The following CA5A variants were observed in gnomAD, a reference collection of about 807,000 sequenced individuals.
CA5A encodes the protein carbonic anhydrase 5A, mitochondrial.
Under a neutral mutation model 37.1 loss-of-function variants are expected in CA5A, and 28 were observed. That is an observed-to-expected ratio of 0.75 (90% CI 0.56 to 1.03). The LOEUF is 1.03. CA5A is among the 50% of genes least tolerant of loss of function. The pLI, the probability that CA5A is intolerant of heterozygous loss-of-function variation, is 0.00. For synonymous variants in CA5A, 171 were observed against 158.4 expected, an observed-to-expected ratio of 1.08 and a Z score of -0.60; for missense variants, 444 against 399.9, an observed-to-expected ratio of 1.11 and a Z score of -0.94.
chr16:87,896,769 T>C (rs2055808542), intron 5 of CA5A, among the ~76,000 whole-genome samples: 1 of 152,232 alleles, frequency 6.6e-6, no homozygotes, highest in African/African-American at 2.4e-5. Context: ...GCCTCCCTAG[T>C]AGCTGGGATT....
chr16:87,928,669 A>AAT (rs1462303353), intron 1 of CA5A, among the ~76,000 whole-genome samples: 5 of 151,156 alleles, frequency 3.3e-5, no homozygotes, highest in African/African-American at 1.2e-4. Context: ...GATGATATTT[A>AAT]GGTTATTTCC....
intron 2 of CA5A, among the ~76,000 whole-genome samples, chr16:87,907,220 A>T (rs1341134333): frequency 6.6e-6 from 1 of 152,140 alleles, no homozygotes; most frequent in Non-Finnish European, 1.5e-5. Flanking sequence ...TCTGTCTCAA[A>T]AACAAAACAC....
intron 1 of CA5A, among the ~76,000 whole-genome samples, chr16:87,930,735 A>ATTTTTTT (rs68126628): frequency 7.4e-6 from 1 of 134,498 alleles, no homozygotes; most frequent in Non-Finnish European, 1.6e-5. Context: ...CTTTGGATCT[A>ATTTTTTT]TTTTTTTTTT....
chr16:87,930,132 GCTGT>G (rs2056382511), intron 1 of CA5A, among the ~76,000 whole-genome samples: 2 of 152,126 alleles, frequency 1.3e-5, no homozygotes, highest in South Asian at 4.1e-4. Flanking sequence ...CTAGGGGTCT[GCTGT>G]CTGTCTCATA....
At chr16:87,926,074 T>C (rs1203949400) in intron 2 of CA5A, among the ~76,000 whole-genome samples, 1 of 151,982 alleles carries the variant, frequency 6.6e-6, no homozygotes, top group Non-Finnish European at 1.5e-5. Flanking sequence ...AATACAAAAA[T>C]TAGCTGGGCA....
At chr16:87,916,822 G>A (rs535171672) in intron 2 of CA5A, among the ~76,000 whole-genome samples, 2 of 152,204 alleles carry the variant, frequency 1.3e-5, no homozygotes, top group South Asian at 4.1e-4. Flanking sequence ...GGGCTTTTGG[G>A]CTGGGCATGG....
At chr16:87,928,238 A>C (rs1022215319) in intron 1 of CA5A, among the ~76,000 whole-genome samples, 6 of 152,178 alleles carry the variant, frequency 3.9e-5, no homozygotes, top group African/African-American at 1.4e-4. Flanking sequence ...GGTGTCAATC[A>C]CTGCAGCCTT....
intron 1 of CA5A, among the ~76,000 whole-genome samples, chr16:87,930,334 C>G (rs80093362): frequency 2.6e-5 from 4 of 152,194 alleles, no homozygotes; most frequent in Admixed American, 6.5e-5. Flanking sequence ...CCAGCAAGCT[C>G]GCTGCAGTCT....
chr16:87,932,611 T>C (rs772617251), intron 1 of CA5A, among the ~76,000 whole-genome samples: 1 of 152,198 alleles, frequency 6.6e-6, no homozygotes, highest in Non-Finnish European at 1.5e-5. Context: ...GTTATCCTCT[T>C]TTTCAATCAG....
At chr16:87,883,282 C>G (rs2055623415), downstream of CA5A, 1 of 151,422 alleles carries the variant, frequency 6.6e-6, no homozygotes, top group South Asian at 2.1e-4. Context: ...CTCAGCCTTC[C>G]AAAGTGCTGG....
At chr16:87,893,877 A>G (rs1003003974) in intron 5 of CA5A, 4 of 238,866 alleles carry the variant, frequency 1.7e-5, no homozygotes, top group African/African-American at 9.3e-5. Flanking sequence ...GGCTCAAGCG[A>G]TCCCCCCGCC....
intron 1 of CA5A, among the ~76,000 whole-genome samples, chr16:87,929,966 T>C (rs971346807): frequency 1.3e-5 from 2 of 151,010 alleles, no homozygotes; most frequent in African/African-American, 2.4e-5. Flanking sequence ...AATCGCAGAA[T>C]GTTTGTTCTA....
chr16:87,896,571 G>C (rs929474634), intron 5 of CA5A, among the ~76,000 whole-genome samples: 1 of 152,224 alleles, frequency 6.6e-6, no homozygotes, highest in Non-Finnish European at 1.5e-5. Flanking sequence ...GGATGGCCCA[G>C]CTACCTGTGG....
chr16:87,927,044 C>T, intron 1 of CA5A, 99 bp from the exon 2 acceptor site: 2 of 847,632 alleles, frequency 2.4e-6, no homozygotes, highest in South Asian at 1.7e-5. Flanking sequence ...CCCCTCACGT[C>T]CTGGCTCATG....
intron 1 of CA5A, among the ~76,000 whole-genome samples, chr16:87,930,792 G>T (rs1271471661): frequency 6.6e-6 from 1 of 150,810 alleles, no homozygotes; most frequent in Non-Finnish European, 1.5e-5. Context: ...CCAGGCTGGA[G>T]TGCAGTGACG....
In CA5A at chr16:87,915,667, C is replaced by T. The variant is rs531532642; in HGVS notation, c.341-10763G>A. ...TTGCACCACTGCACTGCAGCCTGGGCGACAGAGCAAGATCCTGTCTCCAAA... is the reference window on the plus strand; with the variant it reads ...TTGCACCACTGCACTGCAGCCTGGGTGACAGAGCAAGATCCTGTCTCCAAA... On this transcript the variant is annotated intron_variant, in intron 2 of 6. Coordinates refer to ENST00000649794, the MANE Select transcript of CA5A (RefSeq NM_001739.2). Among the ~76,000 whole-genome samples, 601 of 107,420 alleles carry T rather than the reference C, an allele frequency of 5.6e-3. 6 individuals are homozygous for T. The highest frequency in any genetic ancestry group is 0.02 in the African/African-American group (546 of 27,266). 70.5% of individuals were successfully genotyped at this position (107,420 alleles called of 152,430 possible). A position where few individuals can be genotyped will look rare whatever the true frequency, so the allele number is the denominator to read the frequency against.
intron 5 of CA5A, among the ~76,000 whole-genome samples, chr16:87,892,465 A>C (rs1401568951): frequency 5.4e-5 from 8 of 149,482 alleles, no homozygotes; most frequent in Non-Finnish European, 1.2e-4. Flanking sequence ...AGCCGAGATC[A>C]TGCCACTGCA....
Position 87,903,347 on chromosome 16 carries a change from C to T in CA5A, c.460-827G>A, listed in dbSNP as rs192438433. ...TCAGAAGGCTGAGGCAGGAGAATCACTTGAACCTGGGCAGCAGAGGTTGCA... is the reference window on the plus strand; with the variant it reads ...TCAGAAGGCTGAGGCAGGAGAATCATTTGAACCTGGGCAGCAGAGGTTGCA... On this transcript the variant is annotated intron_variant, in intron 3 of 6. Coordinates refer to ENST00000649794, the MANE Select transcript of CA5A (RefSeq NM_001739.2). Among the ~76,000 whole-genome samples, 34 of 152,174 alleles carry T rather than the reference C, an allele frequency of 2.2e-4. 1 individual carries two copies. The East Asian group carries it at 6.6e-3, about 30-fold the overall frequency.
At chr16:87,901,543 A>G (rs1350236577) in intron 5 of CA5A, among the ~76,000 whole-genome samples, 1 of 151,470 alleles carries the variant, frequency 6.6e-6, no homozygotes, top group Non-Finnish European at 1.5e-5. Flanking sequence ...GAATCGCTGC[A>G]CTAAACAATT....
Sources: gnomAD v4.1 joint callset for allele counts (sites outside exome capture counted in the v4.1 genomes callset) on GRCh38, gnomAD v4.1.1 for gene constraint, MANE v1.5 for transcripts, NCBI Gene and HGNC (gene_info 2026-07-23, HGNC 2026-07-21) for gene names.